The following CELF4 variants were observed in gnomAD, a reference collection of about 807,000 sequenced individuals.
CELF4 encodes CUGBP Elav-like family member 4.
Under a neutral mutation model 59.9 loss-of-function variants are expected in CELF4, and 18 were observed. The observed-to-expected ratio is 0.30, with a 90% CI of 0.21 to 0.45. The LOEUF (loss-of-function observed/expected upper bound fraction) is 0.45, where lower values mean the gene tolerates loss of function less well. CELF4 is among the 20% of genes least tolerant of loss of function. The pLI is 1.00. For missense variants in CELF4, 456 were observed against 689.0 expected, an observed-to-expected ratio of 0.66 and a Z score of 3.79; for synonymous variants, 261 against 267.1, an observed-to-expected ratio of 0.98 and a Z score of 0.22.
rs996839027 is a variant in CELF4, at chr18:37,253,521, C to T, written c.*44+246G>A. On this transcript the variant is annotated intron_variant, in intron 12 of 12. Transcript: ENST00000420428. The surrounding 1 kb of genome is among the most constrained non-coding windows in gnomAD (Gnocchi z 4.5). ...GCGCAGGCCCAGGGCTCGCCTCACC[C>T]GCCCGGAGTGGCTCCCTCACTCCTG... 3.3e-5 allele frequency among the ~76,000 whole-genome samples: 5 copies of T among 152,336 alleles called. No individual in the cohort carries two copies. Among genetic ancestry groups the T allele is most frequent in the East Asian group, 1.9e-4 (1 of 5,158 alleles).
At chr18:37,274,035 A>G in intron 6 of CELF4, 1 of 1,286,022 alleles carries the variant, frequency 7.8e-7, no homozygotes, top group Non-Finnish European at 9.8e-7. Context: ...GAAAAGGCTC[A>G]GGGTAACCCA....
chr18:37,299,222 G>A (rs2095852280), intron 3 of CELF4, among the ~76,000 whole-genome samples: 1 of 152,194 alleles, frequency 6.6e-6, no homozygotes, highest in Non-Finnish European at 1.5e-5. Context: ...TGCAGCAGGG[G>A]CCAGCCTCAG....
chr18:37,254,772 A>G lies in CELF4; in HGVS notation c.1334-834T>C, dbSNP rs895292837. 1.0e-4 allele frequency among the ~76,000 whole-genome samples: 16 copies of G among 152,384 alleles called. No individual in the cohort carries two copies. The East Asian group carries it at 2.3e-3, about 22-fold the overall frequency. On this transcript the variant is annotated intron_variant, in intron 11 of 12. Coordinates refer to ENST00000420428, the MANE Select transcript of CELF4 (RefSeq NM_020180.4). This position sits in a 1 kb window ranked among gnomAD's most constrained non-coding sequence, Gnocchi z 5.1. Reference sequence around the variant, plus strand: ...TGGCATGCAGAACCTTGCGGCTCCCAGGCCCAACCGCGCAGGTCCCAGATG... The same window carrying G: ...TGGCATGCAGAACCTTGCGGCTCCCGGGCCCAACCGCGCAGGTCCCAGATG...
intron 2 of CELF4, among the ~76,000 whole-genome samples, chr18:37,404,948 T>G (rs2099365766): frequency 6.6e-6 from 1 of 152,196 alleles, no homozygotes; most frequent in Non-Finnish European, 1.5e-5. Context: ...ATGTCTTTGC[T>G]ATTTGTCCCA....
chr18:37,404,061 C>T (rs1172427400), intron 2 of CELF4, among the ~76,000 whole-genome samples: 1 of 152,186 alleles, frequency 6.6e-6, no homozygotes, highest in African/African-American at 2.4e-5. Context: ...ACCACCATTC[C>T]CGGATTCCCC....
At chr18:37,456,213 C>T (rs2099777819) in intron 2 of CELF4, among the ~76,000 whole-genome samples, 1 of 152,110 alleles carries the variant, frequency 6.6e-6, no homozygotes, top group Admixed American at 6.5e-5. Flanking sequence ...GGGCAGACAC[C>T]CTGGTCTGGC....
At chr18:37,325,097 G>A (rs1339236313) in intron 2 of CELF4, among the ~76,000 whole-genome samples, 5 of 152,144 alleles carry the variant, frequency 3.3e-5, no homozygotes, top group African/African-American at 1.2e-4. Flanking sequence ...GGAAGGCCTG[G>A]CTGAGAAGGG....
chr18:37,526,944 A>G (rs1422498118), intron 1 of CELF4, among the ~76,000 whole-genome samples: 3 of 152,084 alleles, frequency 2.0e-5, no homozygotes, highest in Non-Finnish European at 4.4e-5. Context: ...GCCACCCGAC[A>G]TGTCCGGGCC....
chr18:37,477,792 C>A (rs1185377792), intron 2 of CELF4, among the ~76,000 whole-genome samples: 6 of 152,236 alleles, frequency 3.9e-5, no homozygotes, highest in Admixed American at 3.9e-4. Flanking sequence ...CAGACACCCT[C>A]CCTCCCACAA....
intron 1 of CELF4, among the ~76,000 whole-genome samples, chr18:37,500,696 G>A (rs1251272974): frequency 4.6e-5 from 7 of 151,924 alleles, no homozygotes; most frequent in Non-Finnish European, 1.0e-4. Flanking sequence ...ACCATGCCTG[G>A]CTAATTTTTT....
At chr18:37,267,067 T>A (rs1477622934) in intron 8 of CELF4, among the ~76,000 whole-genome samples, 1 of 152,230 alleles carries the variant, frequency 6.6e-6, no homozygotes, top group Non-Finnish European at 1.5e-5. Context: ...CCTGGGCCAC[T>A]GTGCCTGCTC....
At chr18:37,485,869 C>T (rs1313565071) in intron 1 of CELF4, 7 of 321,448 alleles carry the variant, frequency 2.2e-5, no homozygotes, top group Non-Finnish European at 4.0e-5. Context: ...CCACCACACC[C>T]CCCTCTCCTT....
intron 1 of CELF4, among the ~76,000 whole-genome samples, chr18:37,490,585 G>A (rs574214752): frequency 1.5e-4 from 23 of 152,142 alleles, no homozygotes; most frequent in South Asian, 4.2e-4. Context: ...CCTCTGAGCC[G>A]GGGCTGGCTG....
intron 2 of CELF4, among the ~76,000 whole-genome samples, chr18:37,455,336 G>A (rs2099775212): frequency 6.6e-6 from 1 of 152,222 alleles, no homozygotes; most frequent in Non-Finnish European, 1.5e-5. Flanking sequence ...AATTTGCTCA[G>A]AGGGTTCTTG....
At chr18:37,313,154 C>G (rs923259877) in intron 3 of CELF4, among the ~76,000 whole-genome samples, 1 of 152,188 alleles carries the variant, frequency 6.6e-6, no homozygotes, top group African/African-American at 2.4e-5. Context: ...CTGCTCATCC[C>G]AGGGTCTCCC....
At chr18:37,402,803 G>A (rs1444598900) in intron 2 of CELF4, among the ~76,000 whole-genome samples, 2 of 152,230 alleles carry the variant, frequency 1.3e-5, no homozygotes, top group South Asian at 4.1e-4. Context: ...TTCTCTTCTG[G>A]GCAGCCCTGT....
In CELF4 at chr18:37,315,474, G is replaced by A. The variant is rs77891123; in HGVS notation, c.448+6329C>T. 1.6e-3 allele frequency among the ~76,000 whole-genome samples: 249 copies of A among 152,218 alleles called. 5 individuals carry two copies. In the East Asian group the frequency reaches 0.041, roughly 25 times the overall value. ...TCGTGTTGATGAGATAAAACCTGGTGGTCCCAGTCTGTGCCCCACCCCAGC... is the reference window on the plus strand; with the variant it reads ...TCGTGTTGATGAGATAAAACCTGGTAGTCCCAGTCTGTGCCCCACCCCAGC... On this transcript the variant is annotated intron_variant, in intron 3 of 12. Coordinates refer to ENST00000420428, the MANE Select transcript of CELF4 (RefSeq NM_020180.4).
chr18:37,505,917 G>A (rs1265552817), intron 1 of CELF4, among the ~76,000 whole-genome samples: 1 of 152,204 alleles, frequency 6.6e-6, no homozygotes, highest in Non-Finnish European at 1.5e-5. Flanking sequence ...CCACACTGGA[G>A]CAAGTCTTTT....
intron 1 of CELF4, among the ~76,000 whole-genome samples, chr18:37,521,715 T>C (rs571722719): frequency 3.1e-4 from 47 of 152,148 alleles, no homozygotes; most frequent in Non-Finnish European, 5.9e-4. Context: ...AGAGCAACCG[T>C]CTGGGCTGCA....
Sources: allele counts gnomAD v4.1 joint callset (sites outside exome capture counted in the v4.1 genomes callset), GRCh38; gene constraint gnomAD v4.1.1; non-coding constraint Gnocchi (gnomAD v3.1); transcripts MANE v1.5; gene names NCBI Gene and HGNC (gene_info 2026-07-23, HGNC 2026-07-21).